Variants in CCDC170 observed in about 807,000 individuals in gnomAD.
CCDC170 encodes the protein coiled-coil domain containing 170.
A neutral mutation model predicts 72.6 loss-of-function variants in CCDC170; 69 were observed. The ratio of observed to expected loss-of-function variants is 0.95; its 90% CI spans 0.78 to 1.16. The LOEUF (loss-of-function observed/expected upper bound fraction) is 1.16. Among genes scored for constraint, CCDC170 ranks in the 50% most tolerant of loss-of-function variants. The pLI is 0.00. For synonymous variants in CCDC170, 300 were observed against 303.9 expected, an observed-to-expected ratio of 0.99 and a Z score of 0.13; for missense variants, 852 against 832.5, an observed-to-expected ratio of 1.02 and a Z score of -0.29.
At chr6:151,527,049 T>TA (rs1782421088) in intron 1 of CCDC170, among the ~76,000 whole-genome samples, 2 of 120,176 alleles carry the variant, frequency 1.7e-5, no homozygotes, top group Non-Finnish European at 3.3e-5. Flanking sequence ...CATGCTTAGC[T>TA]ATTTTTTTTT....
At chr6:151,613,669 A>G (rs754295372) in intron 9 of CCDC170, among the ~76,000 whole-genome samples, 1 of 151,802 alleles carries the variant, frequency 6.6e-6, no homozygotes, top group African/African-American at 2.4e-5. Flanking sequence ...ATGTCCCAGT[A>G]CTCTATTCTT....
chr6:151,505,325 G>T (rs1782050847), intron 1 of CCDC170, among the ~76,000 whole-genome samples: 1 of 152,100 alleles, frequency 6.6e-6, no homozygotes, highest in African/African-American at 2.4e-5. Context: ...TGTGTTGGTG[G>T]CACACATTCC....
At chr6:151,516,984 C>T (rs913824248) in intron 1 of CCDC170, among the ~76,000 whole-genome samples, 2 of 152,198 alleles carry the variant, frequency 1.3e-5, no homozygotes, top group Non-Finnish European at 2.9e-5. Flanking sequence ...TGCAAGCTTC[C>T]AGCTTACTTG....
intron 1 of CCDC170, among the ~76,000 whole-genome samples, chr6:151,497,952 CAAAAAAAAAAA>C (rs59201906): frequency 1.7e-5 from 1 of 58,048 alleles, no homozygotes; most frequent in Non-Finnish European, 3.4e-5. Flanking sequence ...CACACCATCT[CAAAAAAAAAAA>C]AAAAAAAAAA....
At chr6:151,497,349 C>A (rs1408894609) in intron 1 of CCDC170, among the ~76,000 whole-genome samples, 1 of 151,972 alleles carries the variant, frequency 6.6e-6, no homozygotes, top group Non-Finnish European at 1.5e-5. Flanking sequence ...CTACTGCACC[C>A]CAGCCTGGGC....
intron 5 of CCDC170, among the ~76,000 whole-genome samples, chr6:151,548,702 T>G (rs1022603246): frequency 3.5e-5 from 5 of 142,256 alleles, no homozygotes; most frequent in Non-Finnish European, 6.1e-5. Flanking sequence ...ATTTAAAAAT[T>G]TTTTAATTTA....
chr6:151,536,647 C>T (rs947206587), intron 2 of CCDC170, among the ~76,000 whole-genome samples: 13 of 151,634 alleles, frequency 8.6e-5, no homozygotes, highest in African/African-American at 2.7e-4. Context: ...TGGTAGTGAG[C>T]GCCTGTAGTA....
chr6:151,590,850 G>A (rs1160697982), intron 7 of CCDC170, among the ~76,000 whole-genome samples: 1 of 152,178 alleles, frequency 6.6e-6, no homozygotes, highest in African/African-American at 2.4e-5. Flanking sequence ...ATACCGTCAT[G>A]TAATAGGTAC....
At chr6:151,537,887 A>G (rs1426309931) in intron 2 of CCDC170, among the ~76,000 whole-genome samples, 158 bp from the exon 3 acceptor site, 1 of 152,190 alleles carries the variant, frequency 6.6e-6, no homozygotes, top group Non-Finnish European at 1.5e-5. Context: ...ATAATTTCTC[A>G]TTTGGTAATA....
Position 151,544,677 on chromosome 6 carries a change from G to C in CCDC170, c.549G>C (p.Glu183Asp). The change falls in exon 4 of 11, where the codon GAG becomes GAC. Residue 183 changes from glutamate to aspartate, a missense_variant. By Grantham distance (45) the Glu-to-Asp change is conservative (BLOSUM62 2). Coordinates refer to ENST00000239374, the MANE Select transcript of CCDC170 (RefSeq NM_025059.4). ...TGCGTGACTGCTTGGATCCAGATGA[G>C]AGGAATGACAAGGCATCAGATGAAG... The part of the protein sequence containing the change: ...TQLRDCLDPD[E>D]RNDKASDEDL... 1.2e-6 allele frequency: 2 copies of C among 1,613,138 alleles called. No individual in the cohort carries two copies. Among genetic ancestry groups the C allele is most frequent in the Non-Finnish European group, 1.7e-6 (2 of 1,179,206 alleles).
At chr6:151,535,155 TTAA>T (rs1410539228) in intron 1 of CCDC170, among the ~76,000 whole-genome samples, 1 of 152,244 alleles carries the variant, frequency 6.6e-6, no homozygotes, top group African/African-American at 2.4e-5. Flanking sequence ...TGTTTCTTTT[TTAA>T]ACATTTAAAT....
At position 151,593,287 on chromosome 6, in the gene CCDC170, G is replaced by T; in HGVS notation, c.1467+7G>T. 6.2e-7 allele frequency: 1 copy of T among 1,610,036 alleles called. No individual in the cohort carries two copies. The stretch of plus-strand genomic sequence containing the variant: ...CCACAATTTGCAGAGAAAGGTAGGA[G>T]ATATTGAAACTTGCTAGTATTGAGA... On this transcript the variant is annotated splice_region_variant and intron_variant, in intron 8 of 10. Coordinates refer to ENST00000239374, the MANE Select transcript of CCDC170 (RefSeq NM_025059.4).
intron 1 of CCDC170, among the ~76,000 whole-genome samples, chr6:151,529,685 A>G (rs1034172183): frequency 6.6e-6 from 1 of 152,184 alleles, no homozygotes; most frequent in African/African-American, 2.4e-5. Context: ...AAATAATGGT[A>G]TAACGAATAT....
At position 151,523,569 on chromosome 6, in the gene CCDC170, C is replaced by T. The variant is rs535077962; in HGVS notation, c.58-12749C>T. ...GGCGTGATGGTGCACGCCTGTAATCCCAGCTACTCGGGACGCTGAGGCAGG... is the reference window on the plus strand; with the variant it reads ...GGCGTGATGGTGCACGCCTGTAATCTCAGCTACTCGGGACGCTGAGGCAGG... On this transcript the variant is annotated intron_variant, in intron 1 of 10. Transcript: ENST00000239374. Among the ~76,000 whole-genome samples, 47 of 151,890 alleles carry T rather than the reference C, an allele frequency of 3.1e-4. 2 individuals carry two copies. In the South Asian group the frequency reaches 9.6e-3, roughly 31 times the overall value.
chr6:151,512,151 C>CA (rs1485127839), intron 1 of CCDC170, among the ~76,000 whole-genome samples: 2 of 146,278 alleles, frequency 1.4e-5, no homozygotes, highest in Non-Finnish European at 3.0e-5. Flanking sequence ...AGCAGTATAC[C>CA]GTTTTTTTTT....
At chr6:151,531,960 C>T (rs911522044) in intron 1 of CCDC170, among the ~76,000 whole-genome samples, 1 of 152,140 alleles carries the variant, frequency 6.6e-6, no homozygotes, top group Non-Finnish European at 1.5e-5. Flanking sequence ...ATGGGAACTA[C>T]AATTCAAGAT....
In CCDC170 at chr6:151,536,195, G is replaced by T. The variant is rs922884433; in HGVS notation, c.58-123G>T. The T allele has an allele frequency of 1.1e-4, 124 of 1,121,354 alleles. No homozygotes were observed. The African/African-American group carries it at 1.7e-3, about 16-fold the overall frequency. The allele number at this position is 1,121,354 out of a possible 1,614,324, so 69.5% of individuals were successfully genotyped here. A position where few individuals can be genotyped will look rare whatever the true frequency, so the allele number is the denominator to read the frequency against. ...TCTGAACATAACACTTCTCTGCGTA[G>T]CATGTTTGACATATTTGGAATACAA... On this transcript the variant is annotated intron_variant, in intron 1 of 10. Coordinates refer to ENST00000239374, the MANE Select transcript of CCDC170 (RefSeq NM_025059.4).
At chr6:151,519,176 A>C (rs1283401154) in intron 1 of CCDC170, among the ~76,000 whole-genome samples, 1 of 152,000 alleles carries the variant, frequency 6.6e-6, no homozygotes, top group African/African-American at 2.4e-5. Flanking sequence ...TCCTTATCTC[A>C]ACTGCATAAG....
At chr6:151,584,292 G>A (rs1282656460) in intron 6 of CCDC170, among the ~76,000 whole-genome samples, 2 of 152,064 alleles carry the variant, frequency 1.3e-5, no homozygotes, top group Non-Finnish European at 2.9e-5. Context: ...TCATTGTAAA[G>A]TTTTCCCTTT....
Sources: gnomAD v4.1 joint callset for allele counts (sites outside exome capture counted in the v4.1 genomes callset) on GRCh38, gnomAD v4.1.1 for gene constraint, MANE v1.5 for transcripts, NCBI Gene and HGNC (gene_info 2026-07-23, HGNC 2026-07-21) for gene names.